Variants in KLKB1 observed in about 807,000 individuals in gnomAD.
The protein encoded by KLKB1 is kallikrein B1.
A neutral mutation model predicts 73.6 loss-of-function variants in KLKB1; 58 were observed. The ratio of observed to expected loss-of-function variants is 0.79; its 90% CI spans 0.64 to 0.98. KLKB1 has a LOEUF of 0.98. KLKB1 is among the 50% of genes least tolerant of loss of function. The pLI, the probability that KLKB1 is intolerant of heterozygous loss-of-function variation, is 0.00. For synonymous variants in KLKB1, 280 were observed against 258.1 expected, an observed-to-expected ratio of 1.08 and a Z score of -0.81; for missense variants, 737 against 763.8, an observed-to-expected ratio of 0.96 and a Z score of 0.41.
intron 2 of KLKB1, chr4:186,228,775 T>G (rs1347820639): frequency 6.5e-6 from 1 of 152,854 alleles, no homozygotes; most frequent in Non-Finnish European, 1.5e-5. Flanking sequence ...TCTAGGTGAA[T>G]AGCTTTCAAC....
chr4:186,250,504 G>A (rs150428490), intron 7 of KLKB1, 102 bp downstream of exon 7: 188 of 1,377,210 alleles, frequency 1.4e-4, no homozygotes, highest in African/African-American at 1.2e-3. Flanking sequence ...TAAAAGTTTC[G>A]TTCATTTCCC....
intron 11 of KLKB1, among the ~76,000 whole-genome samples, chr4:186,254,198 A>C (rs1191324641): frequency 6.6e-6 from 1 of 152,218 alleles, no homozygotes; most frequent in East Asian, 1.9e-4. Flanking sequence ...GCATTAGAAG[A>C]TCAGCCTGAC....
At chr4:186,253,749 G>A (rs1580038700) in intron 11 of KLKB1, among the ~76,000 whole-genome samples, 1 of 151,930 alleles carries the variant, frequency 6.6e-6, no homozygotes, top group Non-Finnish European at 1.5e-5. Flanking sequence ...AATTTTGGAT[G>A]TACTTAGTAT....
In KLKB1 at chr4:186,232,145, A is replaced by C; in HGVS notation, c.77A>C (p.Tyr26Ser). ...GTCACAGGATGTCTGACTCAACTCT[A>C]TGAAAACGCCTTCTTCAGAGGTGGG... ...TVSCGCLTQL[Y>S]ENAFFRGGDV... The change falls in exon 3 of 15, where the codon TAT (tyrosine) becomes TCT (serine). Residue 26 changes from tyrosine (Y) to serine (S), a missense_variant. Tyr to Ser is a moderately radical substitution (Grantham distance 144, BLOSUM62 -2). Coordinates refer to ENST00000264690, the MANE Select transcript of KLKB1 (RefSeq NM_000892.5). 1 of 1,612,826 alleles carries C rather than the reference A, an allele frequency of 6.2e-7. No homozygotes were observed. The highest frequency in any genetic ancestry group is 8.5e-7 in the Non-Finnish European group (1 of 1,179,166).
Position 186,258,209 on chromosome 4 carries a change from A to G in KLKB1, c.1914A>G (p.Ala638=). ...SDGKAQMQSP[A] Reference sequence around the variant, plus strand: ...GAAAAGCTCAGATGCAGTCACCAGCATGAGAAGCAGTCCAGAGTCTAGGCA... The same window carrying G: ...GAAAAGCTCAGATGCAGTCACCAGCGTGAGAAGCAGTCCAGAGTCTAGGCA... The change falls in exon 15 of 15, where the codon GCA becomes GCG. Residue 638 remains alanine, a synonymous_variant. Coordinates refer to ENST00000264690, the MANE Select transcript of KLKB1 (RefSeq NM_000892.5). 1 of 1,613,716 alleles carries G rather than the reference A, an allele frequency of 6.2e-7. No homozygotes were observed. Among genetic ancestry groups the G allele is most frequent in the Non-Finnish European group, 8.5e-7 (1 of 1,179,840 alleles).
intron 2 of KLKB1, chr4:186,212,456 C>T (rs1736755996): frequency 1.3e-5 from 2 of 152,194 alleles, no homozygotes; most frequent in African/African-American, 4.8e-5. Flanking sequence ...TACATCTACC[C>T]ACTCCATTAT....
intron 11 of KLKB1, 24 bp downstream of exon 11, chr4:186,252,209 CAG>C (rs1300813118): frequency 6.2e-7 from 1 of 1,611,224 alleles, no homozygotes; most frequent in Non-Finnish European, 8.5e-7. Context: ...GCATCTCATC[CAG>C]AGTCTTATCT....
intron 8 of KLKB1, 62 bp downstream of exon 8, chr4:186,251,390 A>G (rs962785861): frequency 3.3e-6 from 5 of 1,504,648 alleles, no homozygotes; most frequent in Non-Finnish European, 4.6e-6. Context: ...TTTAACAGCA[A>G]CAGTGATGAA....
intron 2 of KLKB1, among the ~76,000 whole-genome samples, chr4:186,218,085 T>C (rs1392136847): frequency 6.6e-6 from 1 of 152,242 alleles, no homozygotes; most frequent in East Asian, 1.9e-4. Context: ...CATGGCTGTG[T>C]TTCAATAAAA....
chr4:186,215,957 C>A (rs1303691579), intron 2 of KLKB1, among the ~76,000 whole-genome samples: 4 of 152,172 alleles, frequency 2.6e-5, no homozygotes, highest in African/African-American at 9.7e-5. Flanking sequence ...TTACCAAAAG[C>A]AATGCTGTTC....
chr4:186,233,188 C>T (rs1416207633), intron 3 of KLKB1, among the ~76,000 whole-genome samples: 1 of 152,222 alleles, frequency 6.6e-6, no homozygotes, highest in Non-Finnish European at 1.5e-5. Context: ...GCTGGGATTA[C>T]AGGCATGAGC....
chr4:186,231,463 T>C (rs1737396270), intron 2 of KLKB1, among the ~76,000 whole-genome samples: 2 of 152,260 alleles, frequency 1.3e-5, no homozygotes, highest in African/African-American at 2.4e-5. Context: ...ATTTAGCATA[T>C]GCATGCATTT....
chr4:186,212,184 T>C (rs1736745782), intron 2 of KLKB1: 1 of 152,226 alleles, frequency 6.6e-6, no homozygotes, highest in African/African-American at 2.4e-5. Context: ...ATATACTTTC[T>C]ACTACAATAT....
At chr4:186,234,562 C>T (rs956459831) in intron 4 of KLKB1, among the ~76,000 whole-genome samples, 6 of 152,298 alleles carry the variant, frequency 3.9e-5, no homozygotes, top group African/African-American at 1.4e-4. Flanking sequence ...TTCTACAAGG[C>T]ACAGGGCAGT....
Position 186,235,640 on chromosome 4 carries a change from C to T in KLKB1, c.329-1141C>T, listed in dbSNP as rs534005771. 1.8e-4 allele frequency among the ~76,000 whole-genome samples: 27 copies of T among 152,226 alleles called. No individual in the cohort carries two copies. The South Asian group carries it at 4.1e-3, about 23-fold the overall frequency. On this transcript the variant is annotated intron_variant, in intron 4 of 14. Coordinates refer to ENST00000264690, the MANE Select transcript of KLKB1 (RefSeq NM_000892.5). ...GACAGTTTGTGTATTTTCTGTCTTT[C>T]CCACCCTTAAATTTAGTTTTATGAC...
At chr4:186,216,761 G>A (rs1385288997) in intron 2 of KLKB1, among the ~76,000 whole-genome samples, 1 of 152,162 alleles carries the variant, frequency 6.6e-6, no homozygotes, top group African/African-American at 2.4e-5. Flanking sequence ...CCATCTCAAA[G>A]CCAGCGCTGG....
rs148673898 is a variant in KLKB1 at position 186,244,733 on chromosome 4, T to C, written c.599-5510T>C. Among the ~76,000 whole-genome samples, 745 of 152,282 alleles carry C rather than the reference T, an allele frequency of 4.9e-3. 4 individuals are homozygous for C. The highest frequency in any genetic ancestry group is 0.017 in the African/African-American group (692 of 41,544). ...ATCCTGAACTAACCTGTAAGGCTTG[T>C]CCGGTTTTTGGACAGGTAAAATGGG... On this transcript the variant is annotated intron_variant, in intron 6 of 14. Coordinates refer to ENST00000264690, the MANE Select transcript of KLKB1 (RefSeq NM_000892.5).
chr4:186,233,928 T>G (rs1448259045), intron 3 of KLKB1, 24 bp from the exon 4 acceptor site: 1 of 1,508,360 alleles, frequency 6.6e-7, no homozygotes, highest in African/African-American at 1.4e-5. Context: ...TTCTACTTCC[T>G]AAGTAAAGCT....
chr4:186,238,105 A>T, intron 5 of KLKB1, 151 bp from the exon 6 acceptor site: 1 of 672,486 alleles, frequency 1.5e-6, no homozygotes, highest in Middle Eastern at 2.6e-4. Flanking sequence ...GAGGGGAAGG[A>T]TGTCCATTAG....
Sources: allele counts gnomAD v4.1 joint callset (sites outside exome capture counted in the v4.1 genomes callset), GRCh38; gene constraint gnomAD v4.1.1; transcripts MANE v1.5; gene names NCBI Gene and HGNC (gene_info 2026-07-23, HGNC 2026-07-21).